The following FAM178B variants were observed in gnomAD, a reference collection of about 807,000 sequenced individuals.
The protein encoded by FAM178B is protein FAM178B.
In FAM178B, 82 loss-of-function variants were observed where a neutral mutation model predicts 91.7. The ratio of observed to expected loss-of-function variants is 0.89; its 90% CI spans 0.75 to 1.07. The LOEUF is 1.07. Ranked by LOEUF, FAM178B falls within the 50% of genes least tolerant of loss-of-function variation. The pLI is 0.00. For missense variants in FAM178B, 769 were observed against 846.7 expected, an observed-to-expected ratio of 0.91 and a Z score of 1.14; for synonymous variants, 368 against 359.4, an observed-to-expected ratio of 1.02 and a Z score of -0.27.
At chr2:96,886,155 C>T (rs1463265241) in intron 14 of FAM178B, among the ~76,000 whole-genome samples, 1 of 152,206 alleles carries the variant, frequency 6.6e-6, no homozygotes, top group Non-Finnish European at 1.5e-5. Context: ...GTCCAGGGAT[C>T]CTGTCCTTTC....
chr2:96,912,672 A>G (rs1278172755), intron 12 of FAM178B, among the ~76,000 whole-genome samples: 4 of 152,142 alleles, frequency 2.6e-5, no homozygotes, highest in East Asian at 3.9e-4. Flanking sequence ...CTCTCCAGCC[A>G]TGTCCCCCTC....
At chr2:96,961,476 G>C (rs2082081173) in intron 5 of FAM178B, among the ~76,000 whole-genome samples, 1 of 152,160 alleles carries the variant, frequency 6.6e-6, no homozygotes, top group Non-Finnish European at 1.5e-5. Flanking sequence ...GAGGGGAGAG[G>C]AAAAGAGGGC....
intron 12 of FAM178B, among the ~76,000 whole-genome samples, chr2:96,917,679 G>GATCGGCCTGCACA (rs2081264529): frequency 6.6e-6 from 1 of 152,146 alleles, no homozygotes; most frequent in African/African-American, 2.4e-5. Flanking sequence ...AACATAGGGA[G>GATCGGCCTGCACA]ACCTTGTCTC....
chr2:96,941,418 G>A (rs568550551), intron 8 of FAM178B, among the ~76,000 whole-genome samples: 20 of 152,266 alleles, frequency 1.3e-4, no homozygotes, highest in African/African-American at 4.3e-4. Flanking sequence ...GGAAGGGAGA[G>A]ATGAAGGAAA....
intron 8 of FAM178B, among the ~76,000 whole-genome samples, chr2:96,930,849 AG>A (rs1344232293): frequency 6.6e-6 from 1 of 152,174 alleles, no homozygotes; most frequent in African/African-American, 2.4e-5. Context: ...TAAAGGAAGA[AG>A]GCCTGAGGGA....
intron 13 of FAM178B, among the ~76,000 whole-genome samples, chr2:96,902,272 AT>A (rs1159046142): frequency 6.6e-6 from 1 of 151,392 alleles, no homozygotes; most frequent in African/African-American, 2.4e-5. Flanking sequence ...CACCTGGCTA[AT>A]TTTTTGTATT....
intron 12 of FAM178B, among the ~76,000 whole-genome samples, chr2:96,909,572 CCCTTT>C (rs558416821): frequency 1.3e-5 from 2 of 152,292 alleles, no homozygotes; most frequent in South Asian, 4.1e-4. Context: ...TGTCAATGTT[CCCTTT>C]CAAGTGCGAC....
At chr2:96,971,411 T>A (rs892301552) in intron 3 of FAM178B, among the ~76,000 whole-genome samples, 4 of 151,836 alleles carry the variant, frequency 2.6e-5, no homozygotes, top group Non-Finnish European at 5.9e-5. Context: ...TTAGAATAAC[T>A]GTTCTCGATC....
At chr2:96,894,955 G>T (rs2080790512) in intron 13 of FAM178B, 6 of 880,662 alleles carry the variant, frequency 6.8e-6, no homozygotes, top group African/African-American at 1.8e-5. Context: ...CTGCATCTGT[G>T]GGCCCACCCT....
rs896407708 is a variant in FAM178B at position 96,967,714 on chromosome 2, C to T, written c.627-87G>A. ...ACTGGGCTGCAGGTGTTGCCACCAA[C>T]ACAGCAAGACCAGAGGGCTGCGCCG... On this transcript the variant is annotated intron_variant, in intron 4 of 16. Coordinates refer to ENST00000490605, the MANE Select transcript of FAM178B (RefSeq NM_001122646.3). 21 of 900,752 alleles carry T rather than the reference C, an allele frequency of 2.3e-5. No homozygotes were observed. In the Admixed American group the frequency reaches 4.1e-4, roughly 18 times the overall value. 55.8% of individuals were successfully genotyped at this position (900,752 alleles called of 1,614,324 possible).
chr2:96,935,690 G>T (rs1293270656), intron 8 of FAM178B, among the ~76,000 whole-genome samples: 2 of 151,260 alleles, frequency 1.3e-5, no homozygotes, highest in East Asian at 3.9e-4. Flanking sequence ...CTGGAGTGCA[G>T]TGGCACGATC....
chr2:96,921,779 G>C, intron 10 of FAM178B, 125 bp from the exon 11 acceptor site: 1 of 968,040 alleles, frequency 1.0e-6, no homozygotes, highest in East Asian at 2.6e-5. Context: ...GGCCATGTTG[G>C]GTAGGAGCTC....
chr2:96,884,448 C>CTTT (rs2080467165), intron 14 of FAM178B, among the ~76,000 whole-genome samples: 3 of 152,200 alleles, frequency 2.0e-5, no homozygotes, highest in African/African-American at 7.2e-5. Flanking sequence ...AGGAGGAAAG[C>CTTT]CCTTTGCAGG....
intron 14 of FAM178B, among the ~76,000 whole-genome samples, chr2:96,883,678 C>G (rs2080446250): frequency 6.6e-6 from 1 of 152,164 alleles, no homozygotes; most frequent in South Asian, 2.1e-4. Flanking sequence ...AAGATGGACC[C>G]AAAGGGCACG....
intron 12 of FAM178B, among the ~76,000 whole-genome samples, chr2:96,915,567 C>T (rs951202706): frequency 7.3e-4 from 111 of 151,786 alleles, no homozygotes; most frequent in South Asian, 1.5e-3. Context: ...CCTATAATCC[C>T]AGCACTTTGG....
intron 5 of FAM178B, among the ~76,000 whole-genome samples, chr2:96,967,234 C>A (rs1024717950): frequency 2.0e-5 from 3 of 151,940 alleles, no homozygotes; most frequent in African/African-American, 7.3e-5. Context: ...GTTATTTTCC[C>A]GAGATCTGTT....
chr2:96,976,294 C>T (rs1170023256), intron 1 of FAM178B, among the ~76,000 whole-genome samples: 2 of 150,882 alleles, frequency 1.3e-5, no homozygotes, highest in Admixed American at 6.6e-5. Context: ...GGGGTTTCAC[C>T]GTGTTAGCCA....
chr2:96,909,343 C>A (rs1311672114), intron 12 of FAM178B, among the ~76,000 whole-genome samples: 1 of 152,092 alleles, frequency 6.6e-6, no homozygotes, highest in Non-Finnish European at 1.5e-5. Context: ...CATATTTTGC[C>A]AAAACCTGCC....
At chr2:96,877,624 T>C (rs1469587593) in intron 16 of FAM178B, 4 of 443,522 alleles carry the variant, frequency 9.0e-6, no homozygotes, top group East Asian at 4.0e-5. Context: ...GCTGGTCTCC[T>C]GACCTTGTGA....
Sources: allele counts gnomAD v4.1 joint callset (sites outside exome capture counted in the v4.1 genomes callset), GRCh38; gene constraint gnomAD v4.1.1; transcripts MANE v1.5; gene names NCBI Gene and HGNC (gene_info 2026-07-23, HGNC 2026-07-21).